The following CHAF1B variants were observed in gnomAD, a reference collection of about 807,000 sequenced individuals.
The protein encoded by CHAF1B is CAF-1 subunit B.
Under a neutral mutation model 60.7 loss-of-function variants are expected in CHAF1B, and 10 were observed. The observed-to-expected ratio is 0.16, with a 90% confidence interval of 0.10 to 0.28. The LOEUF is 0.28. Among genes scored for constraint, CHAF1B ranks in the 10% least tolerant of loss-of-function variants. The probability of loss-of-function intolerance (pLI) is 1.00; values close to 1 mark genes in which losing one functional copy is unlikely to be tolerated. For missense variants in CHAF1B, 558 were observed against 708.4 expected, an observed-to-expected ratio of 0.79 and a Z score of 2.41; for synonymous variants, 261 against 266.1, an observed-to-expected ratio of 0.98 and a Z score of 0.19.
chr21:36,404,820 T>G (rs1229318287), intron 8 of CHAF1B, among the ~76,000 whole-genome samples: 1 of 146,462 alleles, frequency 6.8e-6, no homozygotes, highest in Non-Finnish European at 1.5e-5. Context: ...CTTGGCTCAC[T>G]GTAGCCTCCA....
At chr21:36,412,344 C>G (rs1022954757) in intron 11 of CHAF1B, among the ~76,000 whole-genome samples, 1 of 151,986 alleles carries the variant, frequency 6.6e-6, no homozygotes, top group African/African-American at 2.4e-5. Flanking sequence ...ATTCAGCCCC[C>G]GTGGCCTGCT....
At chr21:36,412,750 A>G (rs932309081) in intron 11 of CHAF1B, 134 bp from the exon 12 acceptor site, 20 of 782,276 alleles carry the variant, frequency 2.6e-5, no homozygotes, top group Admixed American at 5.7e-5. Flanking sequence ...GCTATCACAC[A>G]CTCTTTTCCA....
At chr21:36,404,390 C>T (rs1216687688) in intron 8 of CHAF1B, among the ~76,000 whole-genome samples, 15 of 148,774 alleles carry the variant, frequency 1.0e-4, no homozygotes, top group Middle Eastern at 3.3e-3. Flanking sequence ...TGAGCCACCA[C>T]GCCCGGCCCT....
chr21:36,392,897 G>A (rs1297558398), intron 4 of CHAF1B, among the ~76,000 whole-genome samples: 1 of 152,194 alleles, frequency 6.6e-6, no homozygotes, highest in Admixed American at 6.6e-5. Flanking sequence ...CGGAGACCAC[G>A]CCAGTGCCCT....
At chr21:36,386,326 C>T (rs2146357852) in intron 2 of CHAF1B, 64 bp downstream of exon 2, 8 of 1,582,216 alleles carry the variant, frequency 5.1e-6, no homozygotes, top group Non-Finnish European at 5.2e-6. Context: ...CATTCTTTTA[C>T]TTAAAACCAG....
intron 8 of CHAF1B, among the ~76,000 whole-genome samples, chr21:36,403,705 C>A (rs1264963073): frequency 6.6e-6 from 1 of 152,162 alleles, no homozygotes; most frequent in Non-Finnish European, 1.5e-5. Flanking sequence ...TTTATTGTCC[C>A]TATGTCCCTA....
chr21:36,416,331 G>A lies in CHAF1B; in HGVS notation c.1645G>A (p.Glu549Lys). The change falls in exon 14 of 14, where the codon GAA becomes AAA. Residue 549 changes from glutamate to lysine, a missense_variant. Physicochemically the swap from Glu to Lys is moderately conservative, Grantham distance 56. Transcript: ENST00000314103. Reference sequence around the variant, plus strand: ...AGAGCTAAAGCGGCCCAGACTCGATGAAAACAAAGGAGGCACGGAAAGTCT... The same window carrying A: ...AGAGCTAAAGCGGCCCAGACTCGATAAAAACAAAGGAGGCACGGAAAGTCT... ...PPELKRPRLDENKGGTESLDP is the reference protein window; with the variant it reads ...PPELKRPRLDKNKGGTESLDP 2 of 1,614,090 alleles carry A rather than the reference G, an allele frequency of 1.2e-6. No homozygotes were observed. The highest frequency in any genetic ancestry group is 8.5e-7 in the Non-Finnish European group (1 of 1,180,000).
intron 13 of CHAF1B, chr21:36,415,762 C>CT (rs2086313835): frequency 9.6e-5 from 34 of 353,168 alleles, no homozygotes; most frequent in East Asian, 3.4e-4. Context: ...TTTTTTTTTT[C>CT]TTTTTTTTGA....
chr21:36,403,666 G>A (rs1165007740), intron 8 of CHAF1B, among the ~76,000 whole-genome samples: 1 of 152,092 alleles, frequency 6.6e-6, no homozygotes, highest in Non-Finnish European at 1.5e-5. Context: ...AAAATCAAAA[G>A]GTCAGCCAAG....
rs1407097063 is a variant in CHAF1B, at chr21:36,413,044, G to C, written c.1222G>C (p.Gly408Arg). ...GAAAACCAAGAGTCAGACACATCGAGGGTCTTCGCCAGGACCCAGACCGGT... is the reference window on the plus strand; with the variant it reads ...GAAAACCAAGAGTCAGACACATCGACGGTCTTCGCCAGGACCCAGACCGGT... ...AKKTKSQTHR[G>R]SSPGPRPVEG... is the part of the protein sequence containing the mutation. The change falls in exon 12 of 14, where the codon GGG (glycine) becomes CGG (arginine). Residue 408 changes from glycine (G) to arginine (R), a missense_variant. By Grantham distance (125) the Gly-to-Arg change is moderately radical. Transcript: ENST00000314103. 6.2e-7 allele frequency: 1 copy of C among 1,614,158 alleles called. No individual in the cohort carries two copies. Among genetic ancestry groups the C allele is most frequent in the East Asian group, 2.2e-5 (1 of 44,888 alleles).
intron 10 of CHAF1B, 47 bp downstream of exon 10, chr21:36,409,512 G>A: frequency 7.1e-7 from 1 of 1,413,414 alleles, no homozygotes; most frequent in Non-Finnish European, 1.0e-6. Flanking sequence ...CTCCGAAACA[G>A]GTCACCAGAG....
At chr21:36,401,251 G>A (rs1408050255) in intron 7 of CHAF1B, among the ~76,000 whole-genome samples, 4 of 149,376 alleles carry the variant, frequency 2.7e-5, no homozygotes, top group Non-Finnish European at 4.4e-5. Flanking sequence ...TGGGCAACAA[G>A]AGCGAAACTC....
chr21:36,413,228 T>A lies in CHAF1B; in HGVS notation c.1406T>A (p.Leu469Gln). Residue 469 changes from leucine to glutamine, a missense_variant, in exon 12 of 14, where the codon CTG becomes CAG. Leu to Gln is a moderately radical substitution (Grantham distance 113). Coordinates refer to ENST00000314103, the MANE Select transcript of CHAF1B (RefSeq NM_005441.3). ...PLPGPSEEKTLQPSSQNTKAH... is the reference protein window; with the variant it reads ...PLPGPSEEKTQQPSSQNTKAH... Reference sequence around the variant, plus strand: ...CCGGGGCCTTCGGAGGAGAAGACCCTGCAGCCCAGTAGTCAAAACACAAAA... The same window carrying A: ...CCGGGGCCTTCGGAGGAGAAGACCCAGCAGCCCAGTAGTCAAAACACAAAA... The A allele has an allele frequency of 6.2e-7, 1 of 1,614,098 alleles. No individual in the cohort carries two copies. Among genetic ancestry groups the A allele is most frequent in the Non-Finnish European group, 8.5e-7 (1 of 1,180,032 alleles).
intron 3 of CHAF1B, among the ~76,000 whole-genome samples, chr21:36,389,805 G>GCGCGCT (rs1461144860): frequency 6.6e-6 from 1 of 151,054 alleles, no homozygotes. Context: ...GTGTGTGCGC[G>GCGCGCT]CGCACGCTGA....
rs559064543 is a variant in CHAF1B at position 36,409,537 on chromosome 21, G to C, written c.919+72G>C. On this transcript the variant is annotated intron_variant, in intron 10 of 13. Transcript: ENST00000314103. ...GGTCACCAGAGTGGGGTGGAGATTT[G>C]GATTCTGTCTTATGGGGAAAGGTGG... The C allele has an allele frequency of 9.1e-6, 10 of 1,103,112 alleles. No homozygotes were observed. The African/African-American group carries it at 1.6e-4, about 17-fold the overall frequency. 68.3% of individuals were successfully genotyped at this position (1,103,112 alleles called of 1,614,324 possible). A position where few individuals can be genotyped will look rare whatever the true frequency, so the allele number is the denominator to read the frequency against.
chr21:36,415,739 C>A, intron 13 of CHAF1B: 2 of 442,778 alleles, frequency 4.5e-6, no homozygotes, highest in South Asian at 1.9e-5. Flanking sequence ...ACTTCTTGCC[C>A]ATGACATTCT....
At position 36,418,563 on chromosome 21, in the gene CHAF1B, GT is replaced by G. The variant is rs1568824135; in HGVS notation, c.*2202del. 1 of 152,146 alleles carries G rather than the reference GT, an allele frequency of 6.6e-6. No homozygotes were observed. Among genetic ancestry groups the G allele is most frequent in the Non-Finnish European group, 1.5e-5 (1 of 68,138 alleles). The allele number at this position is 152,146 out of a possible 1,614,324, so 9.4% of individuals were successfully genotyped here. On this transcript the variant is annotated 3_prime_UTR_variant, in exon 14 of 14. Coordinates refer to ENST00000314103, the MANE Select transcript of CHAF1B (RefSeq NM_005441.3). ...CATACCTGGGGAGGAACAGTATTAG[GT>G]TTTTCTGGGTGTGGTGGCTCACACC...
chr21:36,414,560 A>G (rs1418758624), intron 12 of CHAF1B, among the ~76,000 whole-genome samples: 1 of 152,208 alleles, frequency 6.6e-6, no homozygotes, highest in Non-Finnish European at 1.5e-5. Context: ...TTGAAGATGT[A>G]ATCTTTTGCA....
At chr21:36,387,523 T>A (rs1299597504) in intron 2 of CHAF1B, 75 bp from the exon 3 acceptor site, 6 of 1,560,446 alleles carry the variant, frequency 3.8e-6, no homozygotes, top group Middle Eastern at 1.7e-4. Context: ...ACCCAGCCCA[T>A]AGTATTGTTT....
Sources: gnomAD v4.1 joint callset for allele counts (sites outside exome capture counted in the v4.1 genomes callset) on GRCh38, gnomAD v4.1.1 for gene constraint, MANE v1.5 for transcripts, NCBI Gene and HGNC (gene_info 2026-07-23, HGNC 2026-07-21) for gene names.